Variants in BICRA observed in about 807,000 individuals in gnomAD.
BICRA encodes BRD4 interacting chromatin remodeling complex associated protein.
Under a neutral mutation model 96.9 loss-of-function variants are expected in BICRA, and 31 were observed. The ratio of observed to expected loss-of-function variants is 0.32; its 90% CI spans 0.24 to 0.43. The LOEUF is 0.43. BICRA is among the 20% of genes least tolerant of loss of function. The pLI, the probability that BICRA is intolerant of heterozygous loss-of-function variation, is 1.00. For synonymous variants in BICRA, 1,350 were observed against 1,071.8 expected (o/e 1.26, Z -5.07); for missense variants, 2,283 against 2,190.3 (o/e 1.04, Z -0.84).
At chr19:47,679,253 C>G in intron 5 of BICRA, 68 bp from the exon 6 acceptor site, 1 of 1,169,502 alleles carries the variant, frequency 8.6e-7, no homozygotes, top group Non-Finnish European at 1.1e-6. Context: ...TTCTTTGCGG[C>G]AGCTGTGGCC....
intron 7 of BICRA, among the ~76,000 whole-genome samples, chr19:47,692,312 C>T (rs1368174770): frequency 6.6e-6 from 1 of 152,004 alleles, no homozygotes; most frequent in Admixed American, 6.6e-5. Context: ...CTACAACCTC[C>T]GCCTCCTGGG....
chr19:47,633,633 G>T (rs1194204076), intron 1 of BICRA, among the ~76,000 whole-genome samples: 1 of 152,200 alleles, frequency 6.6e-6, no homozygotes, highest in African/African-American at 2.4e-5. Flanking sequence ...GGGAAGCCAG[G>T]TTCCTCTGAC....
intron 1 of BICRA, among the ~76,000 whole-genome samples, chr19:47,636,109 A>G (rs1217123825): frequency 6.6e-6 from 1 of 152,208 alleles, no homozygotes; most frequent in African/African-American, 2.4e-5. Flanking sequence ...CCCATCCCCA[A>G]GACAGCTCAT....
At chr19:47,690,391 C>T (rs1973223508) in intron 7 of BICRA, among the ~76,000 whole-genome samples, 1 of 152,194 alleles carries the variant, frequency 6.6e-6, no homozygotes, top group African/African-American at 2.4e-5. Context: ...GCATTTATAA[C>T]TTGGATAGCT....
chr19:47,647,236 A>G (rs1972473202), intron 1 of BICRA, among the ~76,000 whole-genome samples: 1 of 151,860 alleles, frequency 6.6e-6, no homozygotes, highest in African/African-American at 2.4e-5. Context: ...GTTCTGAATG[A>G]TGCCGTATGA....
intron 1 of BICRA, among the ~76,000 whole-genome samples, chr19:47,630,607 C>A (rs1410345899): frequency 6.6e-6 from 1 of 152,090 alleles, no homozygotes. Flanking sequence ...TTTTTTGTGG[C>A]TAAGTTCATC....
intron 6 of BICRA, 93 bp from the exon 7 acceptor site, chr19:47,681,883 C>G (rs1238355006): frequency 7.2e-5 from 64 of 891,380 alleles, no homozygotes; most frequent in Non-Finnish European, 1.1e-4. Flanking sequence ...TCTCTGGAAC[C>G]CTGGGAGCGT....
At chr19:47,656,710 G>A (rs1007249807) in intron 1 of BICRA, among the ~76,000 whole-genome samples, 4 of 152,132 alleles carry the variant, frequency 2.6e-5, no homozygotes, top group African/African-American at 7.2e-5. Context: ...TATTACCTGT[G>A]TAAGCATCAC....
At chr19:47,700,782 A>C (rs954952194) in intron 14 of BICRA, 9 of 151,000 alleles carry the variant, frequency 6.0e-5, no homozygotes, top group African/African-American at 2.3e-4. Flanking sequence ...CAACAGATTG[A>C]GACTGTCTCA....
intron 1 of BICRA, among the ~76,000 whole-genome samples, chr19:47,654,545 G>A (rs1039649194): frequency 2.0e-5 from 3 of 151,884 alleles, no homozygotes; most frequent in East Asian, 1.9e-4. Flanking sequence ...GCAGTGGCAC[G>A]ATCTCAGCTC....
Position 47,629,684 on chromosome 19 carries a change from G to C in BICRA, c.-108+20516G>C, listed in dbSNP as rs920325756. Among the ~76,000 whole-genome samples the C allele has an allele frequency of 2.6e-5, 4 of 151,918 alleles. No homozygotes were observed. In the South Asian group the frequency reaches 6.2e-4, roughly 24 times the overall value. ...TTTGTGTGGTTTTTTTTGAGACGGAGTCTCGCTCTGTCGCCCAGGCTGGAG... is the reference window on the plus strand; with the variant it reads ...TTTGTGTGGTTTTTTTTGAGACGGACTCTCGCTCTGTCGCCCAGGCTGGAG... On this transcript the variant is annotated intron_variant, in intron 1 of 14. Transcript: ENST00000594866.
At chr19:47,641,815 T>G (rs1165718670) in intron 1 of BICRA, among the ~76,000 whole-genome samples, 1 of 152,188 alleles carries the variant, frequency 6.6e-6, no homozygotes, top group East Asian at 1.9e-4. Context: ...CCTTGCAATA[T>G]TAAGTATTCC....
chr19:47,610,197 TGGAGGAGGAG>T (rs1971880680), intron 1 of BICRA, among the ~76,000 whole-genome samples: 2 of 151,892 alleles, frequency 1.3e-5, no homozygotes, highest in Non-Finnish European at 2.9e-5. Flanking sequence ...GAGGGAGGGA[TGGAGGAGGAG>T]GGAGGAGGGA....
In BICRA at chr19:47,629,635, A is replaced by G. The variant is rs939870185; in HGVS notation, c.-108+20467A>G. ...TATTGCGAATAATGCTGCTTTGAAC[A>G]TGAGTGTGCAAATATCTATTTTTTT... On this transcript the variant is annotated intron_variant, in intron 1 of 14. Transcript: ENST00000594866. 4.6e-5 allele frequency among the ~76,000 whole-genome samples: 7 copies of G among 152,104 alleles called. No homozygotes were observed. The South Asian group carries it at 6.2e-4, about 14-fold the overall frequency.
chr19:47,628,681 T>A (rs1194257764), intron 1 of BICRA, among the ~76,000 whole-genome samples: 1 of 152,078 alleles, frequency 6.6e-6, no homozygotes, highest in Admixed American at 6.6e-5. Context: ...CATAGTTCAT[T>A]GCAGTCTCAA....
chr19:47,615,647 G>A (rs1971974045), intron 1 of BICRA: 1 of 152,188 alleles, frequency 6.6e-6, no homozygotes, highest in Non-Finnish European at 1.5e-5. Flanking sequence ...CACCCATAAA[G>A]TGCCAAGGTA....
chr19:47,666,110 C>A (rs1254029020), intron 1 of BICRA, among the ~76,000 whole-genome samples: 1 of 152,140 alleles, frequency 6.6e-6, no homozygotes, highest in African/African-American at 2.4e-5. Context: ...GTAGTGTTAT[C>A]CTCCCCAAAC....
Position 47,670,076 on chromosome 19 carries a change from C to CA in BICRA, c.-107-365dup, listed in dbSNP as rs1972841418. Among the ~76,000 whole-genome samples the CA allele has an allele frequency of 1.3e-5, 2 of 152,124 alleles. 1 individual carries two copies. Among genetic ancestry groups the CA allele is most frequent in the East Asian group, 3.9e-4 (2 of 5,190 alleles). ...AAGCGATTCTCCTGCCTCAGCCTCT[C>CA]AAGTAACTGGAACTACAGGCAAGCG... On this transcript the variant is annotated intron_variant, in intron 1 of 14. Transcript: ENST00000594866.
Position 47,681,967 on chromosome 19 carries a change from C to A in BICRA, c.2107-9C>A. On this transcript the variant is annotated splice_polypyrimidine_tract_variant and intron_variant, in intron 6 of 14. Transcript: ENST00000594866. ...GGCTTTCTGATCCTGTGCGGGCTGC[C>A]CGTTGCAGGAGAGGAGCCAGCAGCC... The A allele has an allele frequency of 6.5e-7, 1 of 1,547,440 alleles. No individual in the cohort carries two copies. Among genetic ancestry groups the A allele is most frequent in the Non-Finnish European group, 8.7e-7 (1 of 1,150,318 alleles).
Sources: gnomAD v4.1 joint callset for allele counts (sites outside exome capture counted in the v4.1 genomes callset) on GRCh38, gnomAD v4.1.1 for gene constraint, MANE v1.5 for transcripts, NCBI Gene and HGNC (gene_info 2026-07-23, HGNC 2026-07-21) for gene names.